The following MYCBP2 variants were observed in gnomAD, a reference collection of about 807,000 sequenced individuals.
The protein encoded by MYCBP2 is E3 ubiquitin-protein ligase MYCBP2.
MYCBP2 carries 120 observed loss-of-function variants against 525.3 expected under a neutral mutation model. The ratio of observed to expected loss-of-function variants is 0.23; its 90% CI spans 0.20 to 0.27. The LOEUF (loss-of-function observed/expected upper bound fraction) is 0.27, where lower values mean the gene tolerates loss of function less well. Ranked by LOEUF, MYCBP2 falls within the 10% of genes least tolerant of loss-of-function variation. The probability of loss-of-function intolerance (pLI) is 1.00; values close to 1 mark genes in which losing one functional copy is unlikely to be tolerated. For missense variants in MYCBP2, 4,149 were observed against 5,657.1 expected, an observed-to-expected ratio of 0.73 and a Z score of 8.55; for synonymous variants, 1,894 against 1,955.8, an observed-to-expected ratio of 0.97 and a Z score of 0.83.
chr13:77,255,300 A>G (rs569836543), intron 14 of MYCBP2, among the ~76,000 whole-genome samples: 17 of 152,060 alleles, frequency 1.1e-4, no homozygotes, highest in Non-Finnish European at 1.6e-4. Flanking sequence ...ATCAGTATGC[A>G]CTGTATGTGT....
chr13:77,155,946 T>G, intron 46 of MYCBP2, 112 bp downstream of exon 46: 1 of 992,220 alleles, frequency 1.0e-6, no homozygotes, highest in Non-Finnish European at 1.4e-6. Flanking sequence ...GCATCACCCT[T>G]TATATAAAGA....
At chr13:77,219,917 T>C (rs1304586714) in intron 20 of MYCBP2, among the ~76,000 whole-genome samples, 1 of 152,140 alleles carries the variant, frequency 6.6e-6, no homozygotes, top group Non-Finnish European at 1.5e-5. Flanking sequence ...TATTCTTGTA[T>C]TTTTCATAGA....
At chr13:77,221,951 T>C (rs894517954) in intron 20 of MYCBP2, among the ~76,000 whole-genome samples, 1 of 152,194 alleles carries the variant, frequency 6.6e-6, no homozygotes, top group Non-Finnish European at 1.5e-5. Flanking sequence ...AGATTACTTA[T>C]AATACCTAAT....
At position 77,045,025 on chromosome 13, in the gene MYCBP2, C is replaced by A; in HGVS notation, c.*353G>T. The A allele has an allele frequency of 2.5e-6, 1 of 402,638 alleles. No homozygotes were observed. Among genetic ancestry groups the A allele is most frequent in the Non-Finnish European group, 4.4e-6 (1 of 228,350 alleles). The allele number at this position is 402,638 out of a possible 1,614,324, so 24.9% of individuals were successfully genotyped here. On this transcript the variant is annotated 3_prime_UTR_variant, in exon 83 of 83. Transcript: ENST00000544440. Reference sequence around the variant, plus strand: ...TATACAATAAACAATGATTATTTTTCTTTTTTGCTTGAAAGCCAGCATCGT... The same window carrying A: ...TATACAATAAACAATGATTATTTTTATTTTTTGCTTGAAAGCCAGCATCGT...
chr13:77,068,933 G>C, intron 69 of MYCBP2, 102 bp from the exon 70 acceptor site: 2 of 1,157,906 alleles, frequency 1.7e-6, no homozygotes, highest in Non-Finnish European at 1.2e-6. Context: ...AATGTAAATT[G>C]ATACTCAATT....
chr13:77,318,582 C>T (rs376997274), intron 1 of MYCBP2, among the ~76,000 whole-genome samples: 8 of 152,070 alleles, frequency 5.3e-5, no homozygotes, highest in African/African-American at 1.9e-4. Context: ...GGTGAAACCC[C>T]ACCTCTAGTA....
At chr13:77,252,801 ATCCTG>A (rs2071446984) in intron 14 of MYCBP2, among the ~76,000 whole-genome samples, 1 of 152,154 alleles carries the variant, frequency 6.6e-6, no homozygotes, top group Non-Finnish European at 1.5e-5. Context: ...GAATAAAGTG[ATCCTG>A]AAGGAAGCCT....
At chr13:77,108,960 T>G (rs932203689) in intron 55 of MYCBP2, among the ~76,000 whole-genome samples, 3 of 152,174 alleles carry the variant, frequency 2.0e-5, no homozygotes, top group African/African-American at 7.2e-5. Context: ...CCCAAAGTGC[T>G]GGGATTACAG....
intron 13 of MYCBP2, among the ~76,000 whole-genome samples, chr13:77,259,487 A>G (rs2072867041): frequency 6.6e-6 from 1 of 152,222 alleles, no homozygotes; most frequent in Non-Finnish European, 1.5e-5. Flanking sequence ...AGTGGATGTT[A>G]GCAAGCAACA....
In MYCBP2 at chr13:77,183,545, T is replaced by TC. The variant is rs1449339034; in HGVS notation, c.4719+1557_4719+1558insG. Among the ~76,000 whole-genome samples, 49 of 105,730 alleles carry TC rather than the reference T, an allele frequency of 4.6e-4. 1 individual carries two copies. The highest frequency in any genetic ancestry group is 1.5e-3 in the African/African-American group (42 of 27,140). 69.4% of individuals were successfully genotyped at this position (105,730 alleles called of 152,430 possible). On this transcript the variant is annotated intron_variant, in intron 32 of 82. Coordinates refer to ENST00000544440, the MANE Select transcript of MYCBP2 (RefSeq NM_015057.5). ...TTATAGTGATAGTCCCTATTTCTTT[T>TC]TTTTTTTTTTTTTTTTTTTTTTTTT...
rs2043279156 is a variant in MYCBP2 at position 77,081,348 on chromosome 13, C to T, written c.11418+79G>A. The T allele has an allele frequency of 8.1e-7, 1 of 1,231,476 alleles. No homozygotes were observed. The highest frequency in any genetic ancestry group is 2.3e-5 in the East Asian group (1 of 42,630). The allele number at this position is 1,231,476 out of a possible 1,614,324, so 76.3% of individuals were successfully genotyped here. A position where few individuals can be genotyped will look rare whatever the true frequency, so the allele number is the denominator to read the frequency against. On this transcript the variant is annotated intron_variant, in intron 65 of 82. Coordinates refer to ENST00000544440, the MANE Select transcript of MYCBP2 (RefSeq NM_015057.5). This position sits in a 1 kb window ranked among gnomAD's most constrained non-coding sequence, Gnocchi z 4.6. ...AAATTCCAGGTGATAAAGCTTGTTG[C>T]TAAATTCAGAAATGAAAGTGCATGA... is the stretch of plus-strand genomic sequence containing the variant.
chr13:77,121,323 T>A, intron 55 of MYCBP2, 50 bp downstream of exon 55: 1 of 1,411,262 alleles, frequency 7.1e-7, no homozygotes, highest in Non-Finnish European at 9.4e-7. Flanking sequence ...GAGAAGGTAA[T>A]AAAAAATATT....
intron 72 of MYCBP2, among the ~76,000 whole-genome samples, chr13:77,065,225 A>G (rs185246783): frequency 1.7e-4 from 26 of 152,268 alleles, no homozygotes; most frequent in Non-Finnish European, 3.1e-4. Context: ...CCTAAATATT[A>G]CTCCTAAATA....
intron 79 of MYCBP2, among the ~76,000 whole-genome samples, 173 bp downstream of exon 79, chr13:77,056,813 G>C (rs893300967): frequency 2.0e-5 from 3 of 152,168 alleles, no homozygotes; most frequent in African/African-American, 7.2e-5. Context: ...TTACTGTTTT[G>C]AGATGCATTA....
chr13:77,070,589 C>T (rs768966491), intron 69 of MYCBP2, 42 bp downstream of exon 69: 2 of 1,390,014 alleles, frequency 1.4e-6, no homozygotes, highest in East Asian at 4.6e-5. Flanking sequence ...CACACACACA[C>T]ACACAAAACT....
chr13:77,096,218 T>C, intron 57 of MYCBP2, 94 bp downstream of exon 57: 2 of 1,223,522 alleles, frequency 1.6e-6, no homozygotes, highest in Admixed American at 4.7e-5. Flanking sequence ...ATATCAACTA[T>C]GTGGAATTAT....
intron 26 of MYCBP2, among the ~76,000 whole-genome samples, chr13:77,195,074 A>T (rs1467464544): frequency 6.6e-6 from 1 of 151,982 alleles, no homozygotes; most frequent in African/African-American, 2.4e-5. Context: ...TGGAAGGTGA[A>T]TTGCAAGAGA....
chr13:77,219,674 G>A (rs551689824), intron 20 of MYCBP2, among the ~76,000 whole-genome samples: 2 of 152,062 alleles, frequency 1.3e-5, no homozygotes, highest in African/African-American at 4.8e-5. Flanking sequence ...AGGTTTGCAG[G>A]GTTGGTGGGC....
At chr13:77,188,171 T>C (rs192420879) in intron 30 of MYCBP2, among the ~76,000 whole-genome samples, 398 of 151,950 alleles carry the variant, frequency 2.6e-3, no homozygotes, top group African/African-American at 9.0e-3. Context: ...ATCTTTCATA[T>C]ACTTTTAGGA....
Sources: allele counts gnomAD v4.1 joint callset (sites outside exome capture counted in the v4.1 genomes callset), GRCh38; gene constraint gnomAD v4.1.1; non-coding constraint Gnocchi (gnomAD v3.1); transcripts MANE v1.5; gene names NCBI Gene and HGNC (gene_info 2026-07-23, HGNC 2026-07-21).